Variants in TSC22D1 observed in about 807,000 individuals in gnomAD.
TSC22D1 encodes the protein TSC22 domain family member 1, also known as TSC22 domain family protein 1.
Under a neutral mutation model 74.2 loss-of-function variants are expected in TSC22D1, and 9 were observed. The ratio of observed to expected loss-of-function variants is 0.12; its 90% CI spans 0.07 to 0.21. TSC22D1 has a LOEUF of 0.21. TSC22D1 is among the 10% of genes least tolerant of loss of function. TSC22D1 has a pLI of 1.00. For missense variants in TSC22D1, 1,427 were observed against 1,304.7 expected (o/e 1.09, Z -1.44); for synonymous variants, 586 against 492.5 (o/e 1.19, Z -2.51).
intron 1 of TSC22D1, among the ~76,000 whole-genome samples, chr13:44,553,848 C>A (rs9533905): frequency 0.029 from 4,402 of 152,202 alleles, 96 homozygotes; most frequent in Non-Finnish European, 0.045. Flanking sequence ...GTAATGAATT[C>A]GCTATTTTCT....
At position 44,482,522 on chromosome 13, in the gene TSC22D1, G is replaced by C. The variant is rs537976872; in HGVS notation, c.2913-46427C>G. On this transcript the variant is annotated intron_variant, in intron 1 of 2. Transcript: ENST00000458659. ...CCACTGCACTCCAGCCTGGGCAACA[G>C]AGTGAGACTCCATCTCAAAACAAAA... 1.3e-3 allele frequency among the ~76,000 whole-genome samples: 203 copies of C among 152,256 alleles called. 1 individual carries two copies. The highest frequency in any genetic ancestry group is 4.5e-3 in the African/African-American group (187 of 41,554).
intron 1 of TSC22D1, among the ~76,000 whole-genome samples, chr13:44,438,969 T>A (rs1874966954): frequency 6.6e-6 from 1 of 152,130 alleles, no homozygotes; most frequent in Non-Finnish European, 1.5e-5. Flanking sequence ...AAAACAAAAC[T>A]CTAAGGTCAT....
rs559269232 is a variant in TSC22D1 at position 44,500,899 on chromosome 13, T to C, written c.2913-64804A>G. On this transcript the variant is annotated intron_variant, in intron 1 of 2. Transcript: ENST00000458659. ...GAGTGTCTCACTTTATTGCCCAGGC[T>C]AGTTTCAAACTCCTGGCCTCCAGCG... 2.6e-5 allele frequency among the ~76,000 whole-genome samples: 4 copies of C among 152,284 alleles called. No homozygotes were observed. The South Asian group carries it at 8.3e-4, about 32-fold the overall frequency.
At chr13:44,533,467 T>TAAAA (rs111385787) in intron 1 of TSC22D1, among the ~76,000 whole-genome samples, 9 of 125,218 alleles carry the variant, frequency 7.2e-5, no homozygotes, top group African/African-American at 1.4e-4. Context: ...CAAATAAAAT[T>TAAAA]AAAAAAAAAA....
intron 1 of TSC22D1, chr13:44,436,771 GGGCTTGATGATCCCA>G (rs1874685937): frequency 6.8e-7 from 1 of 1,468,826 alleles, no homozygotes. Flanking sequence ...CCAGCTTCTA[GGGCTTGATGATCCCA>G]GGCAGATGCG....
At chr13:44,510,904 G>GT (rs919680712) in intron 1 of TSC22D1, among the ~76,000 whole-genome samples, 1 of 152,298 alleles carries the variant, frequency 6.6e-6, no homozygotes, top group African/African-American at 2.4e-5. Flanking sequence ...CCAGCCATAT[G>GT]TTTTTTATAA....
chr13:44,442,573 A>G lies in TSC22D1; in HGVS notation c.2913-6478T>C, dbSNP rs761899343. Among the ~76,000 whole-genome samples, 110 of 152,334 alleles carry G rather than the reference A, an allele frequency of 7.2e-4. 2 individuals are homozygous for G. The highest frequency in any genetic ancestry group is 3.9e-4 in the Admixed American group (6 of 15,300). On this transcript the variant is annotated intron_variant, in intron 1 of 2. Transcript: ENST00000458659. ...AGGACAGAAGTAGTATTAGTGATATATGAGCAATAGAAACTATCCAAAATA... is the reference window on the plus strand; with the variant it reads ...AGGACAGAAGTAGTATTAGTGATATGTGAGCAATAGAAACTATCCAAAATA...
chr13:44,529,657 A>T (rs1215950021), intron 1 of TSC22D1, among the ~76,000 whole-genome samples: 1 of 152,110 alleles, frequency 6.6e-6, no homozygotes, highest in African/African-American at 2.4e-5. Context: ...TTGTTTGCAG[A>T]TGATATGATT....
intron 1 of TSC22D1, chr13:44,539,738 A>C: frequency 1.6e-6 from 2 of 1,245,480 alleles, no homozygotes; most frequent in South Asian, 1.4e-5. Context: ...TCTATAAATT[A>C]ACCCAAGTAA....
intron 1 of TSC22D1, among the ~76,000 whole-genome samples, chr13:44,458,920 C>A (rs530064022): frequency 5.9e-5 from 9 of 152,134 alleles, no homozygotes; most frequent in African/African-American, 2.2e-4. Flanking sequence ...CCCCTCAGTA[C>A]GAACAGCCTG....
chr13:44,446,259 T>TA (rs1336527833), intron 1 of TSC22D1, among the ~76,000 whole-genome samples: 3 of 152,164 alleles, frequency 2.0e-5, no homozygotes, highest in African/African-American at 4.8e-5. Context: ...AAGCCACACT[T>TA]AAAGACTGCA....
At chr13:44,576,372 G>T, upstream of TSC22D1, 1 of 341,496 alleles carries the variant, frequency 2.9e-6, no homozygotes, top group South Asian at 7.6e-5. Context: ...TGCTTCACGT[G>T]GGGTGCGGGG....
At chr13:44,543,176 C>T (rs1001192620) in intron 1 of TSC22D1, among the ~76,000 whole-genome samples, 12 of 152,036 alleles carry the variant, frequency 7.9e-5, no homozygotes, top group African/African-American at 2.7e-4. Context: ...ATAAATACCA[C>T]TGAGAAAATT....
intron 1 of TSC22D1, among the ~76,000 whole-genome samples, chr13:44,455,976 G>T (rs1356185921): frequency 8.5e-5 from 13 of 152,174 alleles, no homozygotes; most frequent in Admixed American, 7.2e-4. Flanking sequence ...ATGCAGTAAA[G>T]AACTCAATAC....
chr13:44,540,853 T>C (rs1881427733), intron 1 of TSC22D1, among the ~76,000 whole-genome samples: 1 of 152,152 alleles, frequency 6.6e-6, no homozygotes. Flanking sequence ...GCAGGATAAA[T>C]TTTAACAGTG....
At chr13:44,436,747 TA>T in intron 1 of TSC22D1, 1 of 1,483,644 alleles carries the variant, frequency 6.7e-7, no homozygotes, top group African/African-American at 1.4e-5. Flanking sequence ...ACGGCAGCCC[TA>T]ATTTAAAGAA....
intron 1 of TSC22D1, among the ~76,000 whole-genome samples, chr13:44,456,062 A>G (rs545646017): frequency 6.6e-6 from 1 of 152,270 alleles, no homozygotes; most frequent in African/African-American, 2.4e-5. Context: ...TAACTGAGCA[A>G]TTGTATCTGG....
Position 44,576,294 on chromosome 13 carries a change from G to T in TSC22D1, c.-220C>A. 1.7e-6 allele frequency: 1 copy of T among 602,718 alleles called. No individual in the cohort carries two copies. Among genetic ancestry groups the T allele is most frequent in the Non-Finnish European group, 2.8e-6 (1 of 353,716 alleles). The allele number at this position is 602,718 out of a possible 1,614,324, so 37.3% of individuals were successfully genotyped here. ...GGGTGAACAGGGCGGCCGGGGACCCGAAGGGGGGATCCCTTCAGTCCTTCG... is the reference window on the plus strand; with the variant it reads ...GGGTGAACAGGGCGGCCGGGGACCCTAAGGGGGGATCCCTTCAGTCCTTCG... On this transcript the variant is annotated 5_prime_UTR_variant, in exon 1 of 3. Coordinates refer to ENST00000458659, the MANE Select transcript of TSC22D1 (RefSeq NM_183422.4).
In TSC22D1 at chr13:44,522,253, A is replaced by G. The variant is rs141396182; in HGVS notation, c.2912+50910T>C. 1.1e-3 allele frequency among the ~76,000 whole-genome samples: 173 copies of G among 152,324 alleles called. 1 individual carries two copies. Among genetic ancestry groups the G allele is most frequent in the Middle Eastern group, 0.01 (3 of 294 alleles). On this transcript the variant is annotated intron_variant, in intron 1 of 2. Transcript: ENST00000458659. ...ATGAGCCAAAGGTGGCTGGAGAGGA[A>G]GAATGAGGGTAAAGTTGGAAGAAAA...
Sources: gnomAD v4.1 joint callset for allele counts (sites outside exome capture counted in the v4.1 genomes callset) on GRCh38, gnomAD v4.1.1 for gene constraint, MANE v1.5 for transcripts, NCBI Gene and HGNC (gene_info 2026-07-23, HGNC 2026-07-21) for gene names.